The following FBXO11 variants were observed in gnomAD, a reference collection of about 807,000 sequenced individuals.
The protein encoded by FBXO11 is F-box only protein 11.
FBXO11 carries 13 observed loss-of-function variants against 117.0 expected under a neutral mutation model. That is an observed-to-expected ratio of 0.11 (90% confidence interval 0.07 to 0.18). The LOEUF (loss-of-function observed/expected upper bound fraction) is 0.18, where lower values mean the gene tolerates loss of function less well. Ranked by LOEUF, FBXO11 falls within the 10% of genes least tolerant of loss-of-function variation. The pLI is 1.00. For synonymous variants in FBXO11, 490 were observed against 380.5 expected, an observed-to-expected ratio of 1.29 and a Z score of -3.35; for missense variants, 767 against 1,164.4, an observed-to-expected ratio of 0.66 and a Z score of 4.97.
chr2:47,836,939 T>A, intron 4 of FBXO11: 1 of 388,528 alleles, frequency 2.6e-6, no homozygotes, highest in South Asian at 1.8e-5. Context: ...GGTCCCAGTA[T>A]GTTGCCCAGG....
In FBXO11 at chr2:47,838,911, C is replaced by T; in HGVS notation, c.535G>A (p.Ala179Thr). Residue 179 changes from alanine (A) to threonine (T), a missense_variant, in exon 4 of 23, where the codon GCA (alanine) becomes ACA (threonine). Around this residue, in one of 10 missense-constraint regions of FBXO11, gnomAD observed 355 missense variants for 299.8 expected, o/e 1.18. Transcript: ENST00000403359. Reference sequence around the variant, plus strand: ...CTGAAGCGTTTACATACACAAGCTGCTCTACAAAGATCCTGTTCCAGCAAG... The same window carrying T: ...CTGAAGCGTTTACATACACAAGCTGTTCTACAAAGATCCTGTTCCAGCAAG... The part of the protein sequence containing the change: ...SYLLEQDLCR[A>T]ACVCKRFSEL... 1.2e-6 allele frequency: 2 copies of T among 1,614,066 alleles called. No individual in the cohort carries two copies. The highest frequency in any genetic ancestry group is 1.7e-6 in the Non-Finnish European group (2 of 1,179,970).
Position 47,839,427 on chromosome 2 carries a change from T to C in FBXO11, c.434A>G (p.Asp145Gly). 3 of 1,612,694 alleles carry C rather than the reference T, an allele frequency of 1.9e-6. No individual in the cohort carries two copies. Among genetic ancestry groups the C allele is most frequent in the South Asian group, 2.2e-5 (2 of 90,342 alleles). The part of the protein sequence containing the change: ...KRARVSGKSQ[D>G]LSAAPAEQYL... ...TTTCCCACAGGAAATACCTGATAGA[T>C]CTTGTGATTTTCCAGACACTCTTGC... is the stretch of plus-strand genomic sequence containing the variant. Residue 145 changes from aspartate to glycine, a missense_variant, in exon 3 of 23, where the codon GAT becomes GGT. Coordinates refer to ENST00000403359, the MANE Select transcript of FBXO11 (RefSeq NM_001190274.2).
chr2:47,900,970 T>C (rs1210178123), intron 1 of FBXO11, among the ~76,000 whole-genome samples: 1 of 144,316 alleles, frequency 6.9e-6, no homozygotes, highest in Non-Finnish European at 1.5e-5. Flanking sequence ...AATCATTCAG[T>C]ACGTATAATA....
chr2:47,881,728 T>C (rs2103907500), intron 1 of FBXO11, among the ~76,000 whole-genome samples: 1 of 151,132 alleles, frequency 6.6e-6, no homozygotes, highest in African/African-American at 2.4e-5. Flanking sequence ...CATTATATTC[T>C]GTCGTTATGA....
rs752151226 is a variant in FBXO11, at chr2:47,836,004, G to C, written c.588-3C>G. 2 of 1,575,688 alleles carry C rather than the reference G, an allele frequency of 1.3e-6. No homozygotes were observed. The highest frequency in any genetic ancestry group is 2.4e-5 in the South Asian group (2 of 84,052). ...ATACTTCCATATATAATCGTTTCCT[G>C]AACAGAGAAAGGAATTAAAATTTTC... On this transcript the variant is annotated splice_polypyrimidine_tract_variant and splice_region_variant and intron_variant, in intron 4 of 22. Coordinates refer to ENST00000403359, the MANE Select transcript of FBXO11 (RefSeq NM_001190274.2).
intron 1 of FBXO11, among the ~76,000 whole-genome samples, chr2:47,900,890 GTA>G (rs1295044065): frequency 8.1e-6 from 1 of 123,102 alleles, no homozygotes; most frequent in African/African-American, 3.1e-5. Flanking sequence ...ATATATACAC[GTA>G]TATATACACA....
At chr2:47,856,117 T>C (rs1365336164) in intron 1 of FBXO11, among the ~76,000 whole-genome samples, 3 of 151,956 alleles carry the variant, frequency 2.0e-5, no homozygotes, top group Admixed American at 6.6e-5. Flanking sequence ...TCTCTAAAGA[T>C]GAAAAACAAA....
intron 21 of FBXO11, chr2:47,808,702 A>AT (rs2104616451): frequency 2.8e-6 from 1 of 353,150 alleles, no homozygotes; most frequent in East Asian, 4.6e-5. Flanking sequence ...GCTGAAAACA[A>AT]TTTTTGGAGG....
At chr2:47,881,580 G>C (rs1204073665) in intron 1 of FBXO11, among the ~76,000 whole-genome samples, 1 of 151,988 alleles carries the variant, frequency 6.6e-6, no homozygotes, top group Non-Finnish European at 1.5e-5. Flanking sequence ...TTAAAGTGCT[G>C]AATATGTTTA....
chr2:47,851,062 A>C (rs1412017959), intron 1 of FBXO11, among the ~76,000 whole-genome samples: 2 of 152,208 alleles, frequency 1.3e-5, no homozygotes, highest in Non-Finnish European at 2.9e-5. Flanking sequence ...GGACAATGTA[A>C]TTCAAAAGTA....
rs1027663318 is a variant in FBXO11, at chr2:47,839,581, C to G, written c.360+61G>C. The stretch of plus-strand genomic sequence containing the variant: ...TACTTCTAAAAAAGGATGACATTCC[C>G]TTTTTTGTTTCTTGAAAATTCTTTC... On this transcript the variant is annotated intron_variant, in intron 2 of 22. Transcript: ENST00000403359. 6.9e-6 allele frequency: 11 copies of G among 1,604,702 alleles called. No homozygotes were observed. The Admixed American group carries it at 1.0e-4, about 15-fold the overall frequency.
intron 11 of FBXO11, among the ~76,000 whole-genome samples, chr2:47,824,489 A>C (rs1298671985): frequency 6.6e-6 from 1 of 152,156 alleles, no homozygotes; most frequent in Non-Finnish European, 1.5e-5. Context: ...CTCAAAAATA[A>C]ATAAAGGTTG....
chr2:47,823,385 G>T, intron 11 of FBXO11, 25 bp from the exon 12 acceptor site: 1 of 1,516,990 alleles, frequency 6.6e-7, no homozygotes, highest in Non-Finnish European at 9.0e-7. Flanking sequence ...AATTAAATCT[G>T]TAGGTAAAGC....
In FBXO11 at chr2:47,838,992, C is replaced by T; in HGVS notation, c.454G>A (p.Glu152Lys). Residue 152 changes from glutamate (E) to lysine (K), a missense_variant, in exon 4 of 23, where the codon GAA becomes AAA. By Grantham distance (56) the Glu-to-Lys change is moderately conservative. Coordinates refer to ENST00000403359, the MANE Select transcript of FBXO11 (RefSeq NM_001190274.2). The stretch of plus-strand genomic sequence containing the variant: ...GGCAGTTTCTCCTGAAGATACTGTT[C>T]AGCAGGTGCTGCTATAAAGAGATTA... Reference protein sequence around the residue: ...KSQDLSAAPAEQYLQEKLPDE... With the variant: ...KSQDLSAAPAKQYLQEKLPDE... The T allele has an allele frequency of 6.2e-7, 1 of 1,613,458 alleles. No homozygotes were observed.
intron 1 of FBXO11, among the ~76,000 whole-genome samples, chr2:47,843,286 T>C (rs1311109603): frequency 6.6e-6 from 1 of 152,216 alleles, no homozygotes; most frequent in Non-Finnish European, 1.5e-5. Context: ...GGTTTAAACA[T>C]GTCTAAAAAG....
intron 1 of FBXO11, among the ~76,000 whole-genome samples, chr2:47,848,075 G>C (rs1341053437): frequency 6.7e-6 from 1 of 149,508 alleles, no homozygotes; most frequent in African/African-American, 2.5e-5. Flanking sequence ...AGTGAGCTGA[G>C]ATCGCACCAC....
intron 17 of FBXO11, 85 bp from the exon 18 acceptor site, chr2:47,813,462 G>A (rs1013126604): frequency 3.5e-5 from 24 of 682,688 alleles, no homozygotes; most frequent in African/African-American, 2.2e-4. Context: ...ACAGAGTCTC[G>A]CTCTGTTGCC....
At chr2:47,839,035 C>T (rs980953446) in intron 3 of FBXO11, 32 bp from the exon 4 acceptor site, 2 of 1,567,896 alleles carry the variant, frequency 1.3e-6, no homozygotes, top group Non-Finnish European at 8.6e-7. Context: ...AACTATCATT[C>T]GAGCAATAAC....
In FBXO11 at chr2:47,835,901, T is replaced by G. The variant is rs757986563; in HGVS notation, c.688A>C (p.Asn230His). The G allele has an allele frequency of 2.5e-6, 4 of 1,610,764 alleles. No homozygotes were observed. Among genetic ancestry groups the G allele is most frequent in the Non-Finnish European group, 3.4e-6 (4 of 1,177,628 alleles). The part of the protein sequence containing the change: ...QINPEEYEHP[N>H]PWKESFQQLY... ...TGCTGGAAACTCTCTTTCCAGGGAT[T>G]TGGATGTTCATACTCTTCTGGATTA... is the stretch of plus-strand genomic sequence containing the variant. The change falls in exon 5 of 23, where the codon AAT (asparagine) becomes CAT (histidine). Residue 230 changes from asparagine (N) to histidine (H), a missense_variant. Asn to His is a moderately conservative substitution (Grantham distance 68). Coordinates refer to ENST00000403359, the MANE Select transcript of FBXO11 (RefSeq NM_001190274.2).
Sources: gnomAD v4.1 joint callset for allele counts (sites outside exome capture counted in the v4.1 genomes callset) on GRCh38, gnomAD v4.1.1 for gene constraint, gnomAD v4.1.1 regional missense constraint, MANE v1.5 for transcripts, NCBI Gene and HGNC (gene_info 2026-07-23, HGNC 2026-07-21) for gene names.